The following POLR1C variants were observed in gnomAD, a reference collection of about 807,000 sequenced individuals.
POLR1C encodes DNA-directed RNA polymerases I and III subunit RPAC1.
In POLR1C, 42 loss-of-function variants were observed where a neutral mutation model predicts 38.3. That is an observed-to-expected ratio of 1.10 (90% CI 0.86 to 1.42). The LOEUF is 1.42. Ranked by LOEUF, POLR1C falls within the 40% of genes most tolerant of loss-of-function variation. The pLI, the probability that POLR1C is intolerant of heterozygous loss-of-function variation, is 0.00. For missense variants in POLR1C, 507 were observed against 450.5 expected (o/e 1.13, Z -1.14); for synonymous variants, 163 against 163.9 (o/e 0.99, Z 0.04).
chr6:43,525,299 T>C (rs1218444765), downstream of POLR1C: 3 of 1,257,852 alleles, frequency 2.4e-6, no homozygotes, highest in African/African-American at 4.7e-5. Flanking sequence ...GCCGGAGGGT[T>C]TTTTTTTTTT....
At chr6:43,555,575 G>A in intron 10 of POLR1C, 1 of 274,898 alleles carries the variant, frequency 3.6e-6, no homozygotes, top group South Asian at 9.8e-5. Flanking sequence ...ATAAATAATT[G>A]GTTGATTCTG....
chr6:43,527,455 G>C, intron 8 of POLR1C: 1 of 581,532 alleles, frequency 1.7e-6, no homozygotes, highest in Non-Finnish European at 3.0e-6. Flanking sequence ...TGTATTATTA[G>C]TAGAGACAGG....
At chr6:43,526,105 C>T (rs1441330267), downstream of POLR1C, 1 of 600,760 alleles carries the variant, frequency 1.7e-6, no homozygotes, top group Non-Finnish European at 2.9e-6. Flanking sequence ...TCTAGAGATG[C>T]ACTCAAGCTG....
chr6:43,547,718 GA>G (rs1795028916), intron 9 of POLR1C: 1 of 1,612,664 alleles, frequency 6.2e-7, no homozygotes, highest in Non-Finnish European at 8.5e-7. Context: ...CTGAAGGTTG[GA>G]GGGGGAAAAA....
chr6:43,552,860 A>T (rs1795315547), intron 10 of POLR1C, among the ~76,000 whole-genome samples: 1 of 152,176 alleles, frequency 6.6e-6, no homozygotes, highest in Non-Finnish European at 1.5e-5. Flanking sequence ...GTGGTACTTA[A>T]AATGTATACT....
intron 9 of POLR1C, among the ~76,000 whole-genome samples, chr6:43,540,959 A>G (rs1794660144): frequency 6.6e-6 from 1 of 152,204 alleles, no homozygotes. Flanking sequence ...AACAATATGG[A>G]TAGCACTGGA....
At chr6:43,527,641 G>A (rs774935973) in intron 8 of POLR1C, 3 of 1,613,866 alleles carry the variant, frequency 1.9e-6, no homozygotes, top group East Asian at 4.5e-5. Flanking sequence ...TACTGATTAG[G>A]TCCATGACTT....
chr6:43,544,582 C>T (rs923169894), intron 9 of POLR1C, among the ~76,000 whole-genome samples: 1 of 152,112 alleles, frequency 6.6e-6, no homozygotes, highest in African/African-American at 2.4e-5. Flanking sequence ...CTATGATTTC[C>T]ATCACTTTCA....
At chr6:43,534,116 A>G (rs990161088), downstream of POLR1C, 7 of 752,152 alleles carry the variant, frequency 9.3e-6, no homozygotes, top group Admixed American at 1.2e-4. Flanking sequence ...CTGCCCATCA[A>G]CTCCTGGCAG....
At chr6:43,530,848 T>C (rs1165777899), downstream of POLR1C, 1 of 1,598,224 alleles carries the variant, frequency 6.3e-7, no homozygotes, top group Non-Finnish European at 8.5e-7. Context: ...AAAAAGAGCA[T>C]TGAAAATGAC....
chr6:43,560,795 C>A, intron 10 of POLR1C: 1 of 775,596 alleles, frequency 1.3e-6, no homozygotes, highest in Non-Finnish European at 2.2e-6. Context: ...AATGAAATGA[C>A]ACTACGGTCA....
intron 9 of POLR1C, among the ~76,000 whole-genome samples, chr6:43,543,540 A>G (rs1011005721): frequency 3.9e-5 from 6 of 152,220 alleles, no homozygotes; most frequent in Non-Finnish European, 7.3e-5. Flanking sequence ...GAAAAGAGGT[A>G]TTAGGTAAAG....
intron 10 of POLR1C, chr6:43,555,580 A>C: frequency 3.5e-6 from 1 of 287,760 alleles, no homozygotes; most frequent in Non-Finnish European, 6.4e-6. Flanking sequence ...TAATTGGTTG[A>C]TTCTGTTAGA....
chr6:43,551,956 C>T (rs765031786), intron 10 of POLR1C, among the ~76,000 whole-genome samples: 10 of 152,264 alleles, frequency 6.6e-5, no homozygotes, highest in East Asian at 3.9e-4. Flanking sequence ...TGTGAACCAC[C>T]GTACTCAGCT....
intron 10 of POLR1C, chr6:43,558,634 C>T (rs771922052): frequency 1.4e-6 from 2 of 1,454,694 alleles, no homozygotes; most frequent in Non-Finnish European, 1.8e-6. Context: ...GAAAGTGGAC[C>T]CACTGAAAGA....
chr6:43,535,582 C>T lies in POLR1C; in HGVS notation c.*4+6223C>T, dbSNP rs9472071. 8.6e-3 allele frequency among the ~76,000 whole-genome samples: 1,305 copies of T among 151,798 alleles called. 22 individuals carry two copies. The highest frequency in any genetic ancestry group is 0.029 in the African/African-American group (1,181 of 41,398). On this transcript the variant is annotated intron_variant, in intron 9 of 10. Transcript: ENST00000607635. ...AAGAAGTCATTCTAGAGGCCGGGCG[C>T]GGTGGATCACGAGGTCAGGAGATCG...
downstream of POLR1C, chr6:43,530,943 G>A: frequency 7.7e-7 from 1 of 1,298,092 alleles, no homozygotes; most frequent in Non-Finnish European, 1.0e-6. Context: ...AAGAGCAGTT[G>A]TATTTACTTA....
At chr6:43,553,699 G>A in intron 10 of POLR1C, 5 of 1,242,456 alleles carry the variant, frequency 4.0e-6, no homozygotes, top group Non-Finnish European at 5.2e-6. Context: ...CAATGAGGTA[G>A]GTGAAGGTTC....
At chr6:43,527,544 G>T (rs1793677353) in intron 8 of POLR1C, 2 of 1,300,528 alleles carry the variant, frequency 1.5e-6, no homozygotes, top group East Asian at 2.3e-5. Context: ...TGAATCCTTT[G>T]CATTAGTCAG....
Sources: allele counts gnomAD v4.1 joint callset (sites outside exome capture counted in the v4.1 genomes callset), GRCh38; gene constraint gnomAD v4.1.1; transcripts MANE v1.5; gene names NCBI Gene and HGNC (gene_info 2026-07-23, HGNC 2026-07-21).